Variants in LRRK2 observed in about 807,000 individuals in gnomAD.
LRRK2 encodes leucine rich repeat kinase 2.
In LRRK2, 203 loss-of-function variants were observed where a neutral mutation model predicts 302.6. The observed-to-expected ratio is 0.67, with a 90% CI of 0.60 to 0.75. The LOEUF is 0.75. Ranked by LOEUF, LRRK2 falls within the 30% of genes least tolerant of loss-of-function variation. LRRK2 has a pLI of 0.00. For synonymous variants in LRRK2, 1,066 were observed against 1,031.9 expected, an observed-to-expected ratio of 1.03 and a Z score of -0.63; for missense variants, 2,830 against 2,951.0, an observed-to-expected ratio of 0.96 and a Z score of 0.95.
chr12:40,369,153 T>C lies in LRRK2; in HGVS notation c.*1388T>C, dbSNP rs200410756. On this transcript the variant is annotated 3_prime_UTR_variant, in exon 51 of 51. Coordinates refer to ENST00000298910, the MANE Select transcript of LRRK2 (RefSeq NM_198578.4). The stretch of plus-strand genomic sequence containing the variant: ...ATGTAATTAACAAAAAAATCATATA[T>C]AATAGAGCTCTTTGTTCCAGTGTTA... The C allele has an allele frequency of 2.2e-4, 33 of 152,028 alleles. No individual in the cohort carries two copies. The highest frequency in any genetic ancestry group is 3.4e-3 in the Middle Eastern group (1 of 294). 9.4% of individuals were successfully genotyped at this position (152,028 alleles called of 1,614,324 possible).
At position 40,322,177 on chromosome 12, in the gene LRRK2, A is replaced by G. The variant is rs372096498; in HGVS notation, c.5313A>G (p.Arg1771=). Residue 1771 remains arginine (R), a synonymous_variant, in exon 36 of 51, where the codon AGA becomes AGG. Coordinates refer to ENST00000298910, the MANE Select transcript of LRRK2 (RefSeq NM_198578.4). The part of the protein sequence containing the change: ...SFLKITVPSC[R]KGCILLGQVV... ...TAAAAATTACAGTTCCTTCTTGTAGAAAAGGTAAGGAAATCAATTTGAATG... is the reference window on the plus strand; with the variant it reads ...TAAAAATTACAGTTCCTTCTTGTAGGAAAGGTAAGGAAATCAATTTGAATG... The G allele has an allele frequency of 2.5e-6, 4 of 1,611,026 alleles. No individual in the cohort carries two copies. In the African/African-American group the frequency reaches 4.0e-5, roughly 16 times the overall value.
At chr12:40,244,985 G>A (rs1355942963) in intron 7 of LRRK2, among the ~76,000 whole-genome samples, 2 of 134,542 alleles carry the variant, frequency 1.5e-5, no homozygotes, top group African/African-American at 5.6e-5. Context: ...AATAAACACA[G>A]TTTTTTGCAA....
At chr12:40,331,456 T>C (rs140812745) in intron 39 of LRRK2, among the ~76,000 whole-genome samples, 2,544 of 152,308 alleles carry the variant, frequency 0.017, 50 homozygotes, top group South Asian at 0.11. Context: ...TTATTTTTTT[T>C]GCTTCTTAAT....
intron 28 of LRRK2, among the ~76,000 whole-genome samples, chr12:40,307,349 A>G (rs1290125447): frequency 6.6e-6 from 1 of 152,038 alleles, no homozygotes; most frequent in African/African-American, 2.4e-5. Flanking sequence ...AACTGTGGCA[A>G]CATTTTAACA....
chr12:40,250,001 A>G, intron 8 of LRRK2, 56 bp downstream of exon 8: 1 of 1,595,922 alleles, frequency 6.3e-7, no homozygotes, highest in Non-Finnish European at 8.6e-7. Flanking sequence ...ATCAAATATG[A>G]ACATTGTAAC....
At chr12:40,240,386 G>A in intron 5 of LRRK2, 97 bp from the exon 6 acceptor site, 1 of 1,060,506 alleles carries the variant, frequency 9.4e-7, no homozygotes, top group South Asian at 1.4e-5. Context: ...TACACTTGAT[G>A]TATCTCACAC....
chr12:40,329,674 G>GT (rs1945656212), intron 39 of LRRK2, among the ~76,000 whole-genome samples: 1 of 151,920 alleles, frequency 6.6e-6, no homozygotes, highest in Non-Finnish European at 1.5e-5. Context: ...CTATTGTTAT[G>GT]TATTTATCAT....
chr12:40,326,494 A>G (rs1421790570), intron 38 of LRRK2, among the ~76,000 whole-genome samples: 1 of 151,838 alleles, frequency 6.6e-6, no homozygotes, highest in African/African-American at 2.4e-5. Flanking sequence ...AAAAAGAAAA[A>G]AAAAACAACT....
chr12:40,333,014 C>T (rs982741270), intron 39 of LRRK2, among the ~76,000 whole-genome samples: 8 of 151,154 alleles, frequency 5.3e-5, no homozygotes, highest in Middle Eastern at 3.5e-3. Flanking sequence ...TGACATTTGA[C>T]GGTCATTCTA....
At chr12:40,246,048 A>T (rs1364449265) in intron 7 of LRRK2, among the ~76,000 whole-genome samples, 1 of 152,004 alleles carries the variant, frequency 6.6e-6, no homozygotes, top group African/African-American at 2.4e-5. Flanking sequence ...TTTAAACAGA[A>T]TATTTTTAAT....
intron 14 of LRRK2, among the ~76,000 whole-genome samples, chr12:40,269,196 A>C (rs1943137942): frequency 6.6e-6 from 1 of 152,208 alleles, no homozygotes. Context: ...GTACATAAAG[A>C]TTATTAGACA....
At chr12:40,276,932 A>G (rs1943481765) in intron 16 of LRRK2, among the ~76,000 whole-genome samples, 1 of 152,086 alleles carries the variant, frequency 6.6e-6, no homozygotes. Context: ...TCCTGGGCCC[A>G]TCCTCCTGGG....
chr12:40,308,423 C>A, intron 28 of LRRK2, 44 bp from the exon 29 acceptor site: 1 of 1,482,352 alleles, frequency 6.7e-7, no homozygotes, highest in Non-Finnish European at 9.3e-7. Flanking sequence ...CTCAAGTATA[C>A]TTTTAAGCAG....
At position 40,363,544 on chromosome 12, in the gene LRRK2, C is replaced by T; in HGVS notation, c.7171C>T (p.His2391Tyr). ...ACTCTGTGGACTAATAGACTGCGTG[C>T]ACTTTTTAAGGTAAATTCTGTGGTT... is the stretch of plus-strand genomic sequence containing the variant. ...EKLCGLIDCV[H>Y]FLREVMVKEN... The change falls in exon 48 of 51, where the codon CAC becomes TAC. Residue 2391 changes from histidine to tyrosine, a missense_variant. Around this residue, in one of 3 missense-constraint regions of LRRK2, gnomAD observed 456 missense variants for 456.3 expected, o/e 1.00. Coordinates refer to ENST00000298910, the MANE Select transcript of LRRK2 (RefSeq NM_198578.4). 14 of 1,611,390 alleles carry T rather than the reference C, an allele frequency of 8.7e-6. No individual in the cohort carries two copies. The highest frequency in any genetic ancestry group is 1.2e-5 in the Non-Finnish European group (14 of 1,178,270).
At chr12:40,236,236 T>C (rs1399595824) in intron 4 of LRRK2, among the ~76,000 whole-genome samples, 1 of 152,196 alleles carries the variant, frequency 6.6e-6, no homozygotes, top group Non-Finnish European at 1.5e-5. Flanking sequence ...ATTTGCTAGA[T>C]GCCAGGCTTC....
In LRRK2 at chr12:40,277,980, A is replaced by C; in HGVS notation, c.2034A>C (p.Gln678His). Residue 678 changes from glutamine to histidine, a missense_variant, in exon 17 of 51, where the codon CAA (glutamine) becomes CAC (histidine). Gln to His is a conservative substitution (Grantham distance 24). This residue lies in a region of LRRK2 where 2,121 missense variants were observed against 2,148.0 expected (regional missense o/e 0.99). Coordinates refer to ENST00000298910, the MANE Select transcript of LRRK2 (RefSeq NM_198578.4). ...CATTTGACTTAGTAATATTCCATCA[A>C]ATGTCTTCCAATATCATGGAACAAA... is the stretch of plus-strand genomic sequence containing the variant. ...HHSFDLVIFH[Q>H]MSSNIMEQKD... 1 of 1,613,680 alleles carries C rather than the reference A, an allele frequency of 6.2e-7. No homozygotes were observed. Among genetic ancestry groups the C allele is most frequent in the African/African-American group, 1.3e-5 (1 of 75,042 alleles).
chr12:40,367,651 A>C lies in LRRK2; in HGVS notation c.7470A>C (p.Gln2490His), dbSNP rs1433224967. Reference sequence around the variant, plus strand: ...ATTTTTTTCTTTTTCTAGAGATACAATCTTGCTTGACCGTTTGGGACATCA... The same window carrying C: ...ATTTTTTTCTTTTTCTAGAGATACACTCTTGCTTGACCGTTTGGGACATCA... ...TEGTQKQKEI[Q>H]SCLTVWDINL... Residue 2490 changes from glutamine to histidine, a missense_variant, in exon 51 of 51, where the codon CAA (glutamine) becomes CAC (histidine). Transcript: ENST00000298910. The C allele has an allele frequency of 4.4e-6, 7 of 1,603,626 alleles. No individual in the cohort carries two copies. The highest frequency in any genetic ancestry group is 2.2e-5 in the East Asian group (1 of 44,480).
At position 40,309,158 on chromosome 12, in the gene LRRK2, G is replaced by A; in HGVS notation, c.4242G>A (p.Leu1414=). ...CCCATTTTATGACGCAGCGAGCATT[G>A]TACCTTGCTGTCTATGACCTCAGCA... is the stretch of plus-strand genomic sequence containing the variant. ...THPHFMTQRA[L]YLAVYDLSKG... Residue 1414 remains leucine, a synonymous_variant, in exon 30 of 51, where the codon TTG becomes TTA. Transcript: ENST00000298910. 2.5e-6 allele frequency: 4 copies of A among 1,613,796 alleles called. No individual in the cohort carries two copies. Among genetic ancestry groups the A allele is most frequent in the South Asian group, 2.2e-5 (2 of 91,068 alleles).
At chr12:40,245,666 C>A (rs1358691551) in intron 7 of LRRK2, among the ~76,000 whole-genome samples, 1 of 152,046 alleles carries the variant, frequency 6.6e-6, no homozygotes, top group Non-Finnish European at 1.5e-5. Flanking sequence ...ATTATAATTT[C>A]TTCTATACAT....
Sources: allele counts gnomAD v4.1 joint callset (sites outside exome capture counted in the v4.1 genomes callset), GRCh38; gene constraint gnomAD v4.1.1; regional missense constraint gnomAD v4.1.1; transcripts MANE v1.5; gene names NCBI Gene and HGNC (gene_info 2026-07-23, HGNC 2026-07-21).